The following NTRK1 variants were observed in gnomAD, a reference collection of about 807,000 sequenced individuals.
NTRK1 encodes the protein neurotrophic receptor tyrosine kinase 1, also known as high affinity nerve growth factor receptor.
NTRK1 carries 62 observed loss-of-function variants against 86.8 expected under a neutral mutation model. The observed-to-expected ratio is 0.71, with a 90% CI of 0.58 to 0.88. The LOEUF (loss-of-function observed/expected upper bound fraction) is 0.88. Ranked by LOEUF, NTRK1 falls within the 40% of genes least tolerant of loss-of-function variation. The probability of loss-of-function intolerance (pLI) is 0.00; values close to 1 mark genes in which losing one functional copy is unlikely to be tolerated. For missense variants in NTRK1, 967 were observed against 1,078.4 expected, an observed-to-expected ratio of 0.90 and a Z score of 1.45; for synonymous variants, 469 against 456.6, an observed-to-expected ratio of 1.03 and a Z score of -0.35.
At chr1:156,842,062 G>T in intron 1 of NTRK1, 2 of 1,610,180 alleles carry the variant, frequency 1.2e-6, no homozygotes, top group South Asian at 1.1e-5. Context: ...TAGCTTAAGG[G>T]AGTCTCTCTA....
chr1:156,863,555 A>C (rs979427078), intron 1 of NTRK1, among the ~76,000 whole-genome samples: 13 of 149,112 alleles, frequency 8.7e-5, no homozygotes, highest in African/African-American at 1.5e-4. Flanking sequence ...AGCCTGTAAG[A>C]CTCTTGCTTG....
chr1:156,851,928 G>A (rs1180839800), intron 2 of NTRK1: 2 of 1,598,990 alleles, frequency 1.3e-6, no homozygotes, highest in Admixed American at 3.4e-5. Flanking sequence ...CACTGGGCCA[G>A]GCAACTGCCC....
At chr1:156,858,659 T>G, upstream of NTRK1, 2 of 1,560,136 alleles carry the variant, frequency 1.3e-6, no homozygotes, top group Non-Finnish European at 1.8e-6. Context: ...CCGGCTCTCC[T>G]CCCGGTGACT....
chr1:156,845,281 G>A (rs1558085944), intron 2 of NTRK1: 1 of 1,612,530 alleles, frequency 6.2e-7, no homozygotes, highest in South Asian at 1.1e-5. Flanking sequence ...CTGCCCGGCG[G>A]TGCCGCCCTG....
At chr1:156,851,475 G>C in intron 2 of NTRK1, 2 of 1,613,038 alleles carry the variant, frequency 1.2e-6, no homozygotes, top group Middle Eastern at 3.3e-4. Context: ...AGCAAGGAAG[G>C]TGATGGGTCT....
At chr1:156,848,940 T>C in intron 2 of NTRK1, 2 of 1,586,380 alleles carry the variant, frequency 1.3e-6, no homozygotes, top group East Asian at 2.3e-5. Context: ...TAGTACACGA[T>C]GAAGCTGAGC....
At chr1:156,845,704 G>A in intron 2 of NTRK1, 1 of 1,613,624 alleles carries the variant, frequency 6.2e-7, no homozygotes, top group Non-Finnish European at 8.5e-7. Context: ...GGCAGAACCT[G>A]ACCAGGAGGT....
At chr1:156,848,702 T>G (rs759342334) in intron 2 of NTRK1, among the ~76,000 whole-genome samples, 3 of 152,220 alleles carry the variant, frequency 2.0e-5, no homozygotes, top group Non-Finnish European at 4.4e-5. Context: ...AAGCCCTGTC[T>G]TCTCCATTTC....
At chr1:156,858,435 G>A (rs1272329198), upstream of NTRK1, 2 of 851,606 alleles carry the variant, frequency 2.3e-6, no homozygotes, top group Non-Finnish European at 4.1e-6. Flanking sequence ...CCATGTTCCA[G>A]TGCAGAGTAA....
At chr1:156,843,437 G>A (rs766722947) in intron 2 of NTRK1, 13 of 1,614,004 alleles carry the variant, frequency 8.1e-6, no homozygotes, top group South Asian at 3.3e-5. Context: ...TATCAGAGGC[G>A]CTGAAGTACT....
At chr1:156,876,252 C>G (rs2102918186) in intron 13 of NTRK1, 42 bp downstream of exon 13, 1 of 1,612,756 alleles carries the variant, frequency 6.2e-7, no homozygotes, top group Non-Finnish European at 8.5e-7. Flanking sequence ...CTGGGTCCCA[C>G]CCCCAGGAGC....
intron 1 of NTRK1, among the ~76,000 whole-genome samples, chr1:156,834,590 G>A (rs1654549789): frequency 1.3e-5 from 2 of 152,196 alleles, no homozygotes; most frequent in African/African-American, 4.8e-5. Context: ...TCAGATCATT[G>A]ATGCTGCCCT....
At chr1:156,877,748 G>A (rs1421580468) in intron 14 of NTRK1, among the ~76,000 whole-genome samples, 1 of 152,244 alleles carries the variant, frequency 6.6e-6, no homozygotes, top group Non-Finnish European at 1.5e-5. Flanking sequence ...TTGTCCAGTT[G>A]ATGGTCATGA....
intron 2 of NTRK1, among the ~76,000 whole-genome samples, chr1:156,850,360 C>T (rs1267853410): frequency 1.3e-5 from 2 of 150,032 alleles, no homozygotes; most frequent in African/African-American, 4.9e-5. Flanking sequence ...TACAGGTGCC[C>T]ACCACCACAC....
chr1:156,849,080 G>T (rs1300649050), intron 2 of NTRK1: 2 of 1,602,392 alleles, frequency 1.2e-6, no homozygotes, highest in South Asian at 1.1e-5. Flanking sequence ...TCGCAACCGC[G>T]CCTGCCAGCT....
chr1:156,824,169 G>A (rs528833938), intron 1 of NTRK1, among the ~76,000 whole-genome samples: 1 of 152,306 alleles, frequency 6.6e-6, no homozygotes, highest in East Asian at 1.9e-4. Flanking sequence ...CTTCCCTGTA[G>A]TCAGTGTATA....
rs1211522229 is a variant in NTRK1 at position 156,860,908 on chromosome 1, C to T, written c.-27C>T. ...GCTGGGAGCGCACAGACGGCTGCCC[C>T]GCCTGAGCGAGGCGGGCGCCGCCGC... On this transcript the variant is annotated 5_prime_UTR_variant, in exon 1 of 17. Transcript: ENST00000524377. The T allele has an allele frequency of 5.6e-6, 8 of 1,431,272 alleles. No individual in the cohort carries two copies. In the African/African-American group the frequency reaches 6.0e-5, roughly 11 times the overall value. 88.7% of individuals were successfully genotyped at this position (1,431,272 alleles called of 1,614,324 possible).
At chr1:156,873,544 A>C in intron 7 of NTRK1, 89 bp from the exon 8 acceptor site, 16 of 1,113,210 alleles carry the variant, frequency 1.4e-5, no homozygotes, top group Non-Finnish European at 2.1e-5. Context: ...TTCGGGTTCT[A>C]CTCGCTTTGC....
intron 6 of NTRK1, among the ~76,000 whole-genome samples, chr1:156,870,977 C>T (rs957638037): frequency 2.0e-5 from 3 of 152,202 alleles, no homozygotes; most frequent in Admixed American, 6.5e-5. Flanking sequence ...CTGCAGGAGG[C>T]GATGCCGCTG....
Sources: allele counts gnomAD v4.1 joint callset (sites outside exome capture counted in the v4.1 genomes callset), GRCh38; gene constraint gnomAD v4.1.1; transcripts MANE v1.5; gene names NCBI Gene and HGNC (gene_info 2026-07-23, HGNC 2026-07-21).